Variants in AFG2A observed in about 807,000 individuals in gnomAD.
AFG2A encodes AAA ATPase AFG2A.
the AFG2A span, among the ~76,000 whole-genome samples, chr4:123,312,495 G>T: frequency 6.6e-6 from 1 of 152,166 alleles, no homozygotes; most frequent in Non-Finnish European, 1.5e-5. Flanking sequence ...GATCTCCAAG[G>T]TCCCCTTAGA....
At chr4:123,112,278 AT>A in the AFG2A span, among the ~76,000 whole-genome samples, 1 of 152,310 alleles carries the variant, frequency 6.6e-6, no homozygotes, top group South Asian at 2.1e-4. Context: ...TAGTGTCCTC[AT>A]AAAGACAAAT....
chr4:123,133,467 T>C, the AFG2A span, among the ~76,000 whole-genome samples: 5,546 of 146,304 alleles, frequency 0.038, 337 homozygotes, highest in African/African-American at 0.13. Context: ...GTGTCTGTTA[T>C]AGTTCCTATC....
the AFG2A span, among the ~76,000 whole-genome samples, chr4:123,132,811 C>T: frequency 0.015 from 2,184 of 142,256 alleles, 20 homozygotes; most frequent in African/African-American, 0.025. Context: ...GACGGAGTCT[C>T]GCTCTGTCGC....
At chr4:123,260,301 T>G in the AFG2A span, among the ~76,000 whole-genome samples, 4 of 152,222 alleles carry the variant, frequency 2.6e-5, no homozygotes, top group Non-Finnish European at 5.9e-5. Context: ...TCATGTAAAC[T>G]TAGTCTGTTT....
chr4:123,036,972 A>G, the AFG2A span, among the ~76,000 whole-genome samples: 3 of 152,104 alleles, frequency 2.0e-5, no homozygotes. Flanking sequence ...CACATTACAT[A>G]TATGTAATTC....
At chr4:123,017,157 A>C in the AFG2A span, among the ~76,000 whole-genome samples, 1 of 67,776 alleles carries the variant, frequency 1.5e-5, no homozygotes, top group Non-Finnish European at 3.4e-5. Context: ...GAGGGGGGAG[A>C]GGGAAGGGGA....
chr4:123,184,291 AT>A, the AFG2A span, among the ~76,000 whole-genome samples: 1 of 152,228 alleles, frequency 6.6e-6, no homozygotes, highest in South Asian at 2.1e-4. Context: ...CACTACTATG[AT>A]TTTGGCATTC....
the AFG2A span, among the ~76,000 whole-genome samples, chr4:123,189,005 A>G: frequency 6.6e-6 from 1 of 152,222 alleles, no homozygotes; most frequent in Non-Finnish European, 1.5e-5. Flanking sequence ...GAAATATAGT[A>G]TTTGGACATT....
the AFG2A span, chr4:122,933,446 GAT>G: frequency 6.2e-7 from 1 of 1,612,272 alleles, no homozygotes; most frequent in Non-Finnish European, 8.5e-7. Context: ...CAGTGACAAA[GAT>G]ATGGAAATTA....
chr4:123,282,772 TAA>T, the AFG2A span, among the ~76,000 whole-genome samples: 104,892 of 143,496 alleles, frequency 0.73, 38,682 homozygotes, highest in Non-Finnish European at 0.81. Context: ...TATTTAAAAT[TAA>T]AAAAAAAAAA....
At chr4:123,182,925 T>C in the AFG2A span, among the ~76,000 whole-genome samples, 1 of 152,334 alleles carries the variant, frequency 6.6e-6, no homozygotes, top group South Asian at 2.1e-4. Flanking sequence ...TATTTGGTTT[T>C]GCGTTATACA....
the AFG2A span, among the ~76,000 whole-genome samples, chr4:122,939,619 G>A: frequency 6.6e-6 from 1 of 151,610 alleles, no homozygotes; most frequent in Non-Finnish European, 1.5e-5. Flanking sequence ...ACATTAAAAA[G>A]CTGGTCATTT....
At chr4:123,309,513 A>G in the AFG2A span, among the ~76,000 whole-genome samples, 92 of 152,372 alleles carry the variant, frequency 6.0e-4, no homozygotes, top group African/African-American at 2.0e-3. Context: ...AAGTTTCAAC[A>G]TATACATTTT....
the AFG2A span, among the ~76,000 whole-genome samples, chr4:123,073,171 C>T: frequency 4.7e-5 from 7 of 148,082 alleles, no homozygotes; most frequent in Non-Finnish European, 1.0e-4. Context: ...AATTCCTATT[C>T]TTTTTTTTTT....
the AFG2A span, among the ~76,000 whole-genome samples, chr4:122,941,606 C>G: frequency 8.9e-4 from 136 of 152,334 alleles, 1 homozygote; most frequent in South Asian, 0.027. Flanking sequence ...TCCTCTTTTC[C>G]TAACTGAATA....
chr4:123,252,601 A>G, the AFG2A span, among the ~76,000 whole-genome samples: 4 of 152,170 alleles, frequency 2.6e-5, no homozygotes, highest in African/African-American at 4.8e-5. Flanking sequence ...AACAAATGCA[A>G]GTTACTACTC....
At chr4:123,035,440 C>G in the AFG2A span, among the ~76,000 whole-genome samples, 2 of 151,824 alleles carry the variant, frequency 1.3e-5, no homozygotes, top group African/African-American at 4.8e-5. Flanking sequence ...TTGCTTAAAT[C>G]GGCAGTTATT....
chr4:122,954,993 C>G, the AFG2A span, among the ~76,000 whole-genome samples: 3 of 152,156 alleles, frequency 2.0e-5, no homozygotes, highest in African/African-American at 7.2e-5. Flanking sequence ...CTTACGGTCT[C>G]GGTGCTCATG....
the AFG2A span, among the ~76,000 whole-genome samples, chr4:122,966,843 T>C: frequency 6.6e-6 from 1 of 152,284 alleles, no homozygotes; most frequent in Admixed American, 6.5e-5. Context: ...CCTTCTTGTG[T>C]ACCCTCATAT....
Sources: gnomAD v4.1 joint callset for allele counts (sites outside exome capture counted in the v4.1 genomes callset) on GRCh38, gnomAD v4.1.1 for gene constraint, MANE v1.5 for transcripts, NCBI Gene and HGNC (gene_info 2026-07-23, HGNC 2026-07-21) for gene names.